Variants in ETV6 observed in about 807,000 individuals in gnomAD.
ETV6 encodes transcription factor ETV6.
Under a neutral mutation model 51.1 loss-of-function variants are expected in ETV6, and 16 were observed. That is an observed-to-expected ratio of 0.31 (90% CI 0.21 to 0.48). The LOEUF is 0.48. Among genes scored for constraint, ETV6 ranks in the 20% least tolerant of loss-of-function variants. ETV6 has a pLI of 0.99. For synonymous variants in ETV6, 240 were observed against 224.1 expected, an observed-to-expected ratio of 1.07 and a Z score of -0.64; for missense variants, 458 against 594.8, an observed-to-expected ratio of 0.77 and a Z score of 2.39.
chr12:11,691,017 C>T (rs181607631), intron 1 of ETV6, among the ~76,000 whole-genome samples: 19 of 152,204 alleles, frequency 1.2e-4, no homozygotes, highest in Non-Finnish European at 2.4e-4. Context: ...TGATTCTTTC[C>T]GTCTGGAGGC....
chr12:11,768,838 ACCACATT>A (rs1337685775), intron 2 of ETV6: 1 of 444,634 alleles, frequency 2.2e-6, no homozygotes, highest in African/African-American at 2.0e-5. Flanking sequence ...AAATCTGCCT[ACCACATT>A]CCAGCTACAT....
At chr12:11,830,710 G>T (rs1946230535) in intron 2 of ETV6, among the ~76,000 whole-genome samples, 1 of 152,232 alleles carries the variant, frequency 6.6e-6, no homozygotes, top group Admixed American at 6.5e-5. Flanking sequence ...TTATGTGCCA[G>T]GCACCGTGTG....
chr12:11,684,016 A>G (rs1864581855), intron 1 of ETV6, among the ~76,000 whole-genome samples: 1 of 152,232 alleles, frequency 6.6e-6, no homozygotes, highest in African/African-American at 2.4e-5. Context: ...AATTCAACAG[A>G]TGTGTATTGC....
chr12:11,668,063 G>GACTC (rs1166554472), intron 1 of ETV6, among the ~76,000 whole-genome samples: 1 of 151,466 alleles, frequency 6.6e-6, no homozygotes, highest in Non-Finnish European at 1.5e-5. Context: ...TGAACTCCTG[G>GACTC]ACTCAAGTGA....
At chr12:11,734,727 T>G (rs1865670286) in intron 1 of ETV6, among the ~76,000 whole-genome samples, 1 of 152,158 alleles carries the variant, frequency 6.6e-6, no homozygotes, top group South Asian at 2.1e-4. Flanking sequence ...GGTGTTGCTA[T>G]TACTCCATTT....
chr12:11,702,319 A>G (rs1035276733), intron 1 of ETV6, among the ~76,000 whole-genome samples: 3 of 152,154 alleles, frequency 2.0e-5, no homozygotes, highest in African/African-American at 4.8e-5. Flanking sequence ...TATAATTTCA[A>G]TTCCAGTTTA....
intron 2 of ETV6, among the ~76,000 whole-genome samples, chr12:11,782,534 G>T (rs1331983367): frequency 6.6e-6 from 1 of 152,096 alleles, no homozygotes; most frequent in African/African-American, 2.4e-5. Context: ...CTGCACATTT[G>T]TAATAATAGG....
At chr12:11,818,395 A>G (rs1382327774) in intron 2 of ETV6, among the ~76,000 whole-genome samples, 3 of 152,046 alleles carry the variant, frequency 2.0e-5, no homozygotes, top group Non-Finnish European at 4.4e-5. Flanking sequence ...GAGCGTGGTG[A>G]TGCATGCGTG....
rs751007395 is a variant in ETV6, at chr12:11,742,805, C to CTTT, written c.34-9629_34-9627dup. Among the ~76,000 whole-genome samples the CTTT allele has an allele frequency of 4.8e-4, 38 of 78,668 alleles. 1 individual carries two copies. The East Asian group carries it at 8.5e-3, about 18-fold the overall frequency. 51.6% of individuals were successfully genotyped at this position (78,668 alleles called of 152,430 possible). ...CATCTCATTTTTCTTTTCTTTCTTT[C>CTTT]TTTTTTTTTTTTTTTTTTGGAGACA... On this transcript the variant is annotated intron_variant, in intron 1 of 7. Coordinates refer to ENST00000396373, the MANE Select transcript of ETV6 (RefSeq NM_001987.5).
intron 3 of ETV6, among the ~76,000 whole-genome samples, chr12:11,849,870 C>G (rs1467926217): frequency 1.3e-5 from 2 of 152,170 alleles, no homozygotes; most frequent in Non-Finnish European, 2.9e-5. Flanking sequence ...CACACTATCG[C>G]TGCCAATCAT....
chr12:11,870,050 G>T (rs1946858006), intron 5 of ETV6, 81 bp downstream of exon 5: 1 of 1,477,130 alleles, frequency 6.8e-7, no homozygotes, highest in Admixed American at 2.1e-5. Flanking sequence ...TTTGCAGCCA[G>T]CCTCGCACCA....
At chr12:11,833,518 A>G (rs997682488) in intron 2 of ETV6, among the ~76,000 whole-genome samples, 3 of 152,206 alleles carry the variant, frequency 2.0e-5, no homozygotes, top group Non-Finnish European at 2.9e-5. Context: ...CTGCCAAAAC[A>G]CCAAATAAGC....
chr12:11,817,146 T>C (rs1198199764), intron 2 of ETV6, among the ~76,000 whole-genome samples: 1 of 152,226 alleles, frequency 6.6e-6, no homozygotes, highest in African/African-American at 2.4e-5. Context: ...CCTCTGACCA[T>C]GTCTGCATTT....
At chr12:11,841,811 G>C (rs564592677) in intron 3 of ETV6, among the ~76,000 whole-genome samples, 1 of 152,094 alleles carries the variant, frequency 6.6e-6, no homozygotes, top group African/African-American at 2.4e-5. Flanking sequence ...GGCCGGGCGC[G>C]GTGGCTCACG....
rs574924780 is a variant in ETV6 at position 11,879,219 on chromosome 12, T to C, written c.1010-5226T>C. Among the ~76,000 whole-genome samples, 42 of 152,364 alleles carry C rather than the reference T, an allele frequency of 2.8e-4. 1 individual carries two copies. The East Asian group carries it at 7.7e-3, about 28-fold the overall frequency. On this transcript the variant is annotated intron_variant, in intron 5 of 7. Transcript: ENST00000396373. ...GCCTCTCTTCTGGTAATTATGCCCA[T>C]GACACTGTCATTTGCAGGCCTTCTT...
Position 11,766,665 on chromosome 12 carries a change from T to C in ETV6, c.163+14086T>C, listed in dbSNP as rs144574063. Among the ~76,000 whole-genome samples, 5 of 152,164 alleles carry C rather than the reference T, an allele frequency of 3.3e-5. No homozygotes were observed. In the East Asian group the frequency reaches 9.7e-4, roughly 29 times the overall value. On this transcript the variant is annotated intron_variant, in intron 2 of 7. Transcript: ENST00000396373. ...ATCCCTGACCTGCGTGGAGGCCTTATAGGTTATGTGACAGCCCTATGCTGC... is the reference window on the plus strand; with the variant it reads ...ATCCCTGACCTGCGTGGAGGCCTTACAGGTTATGTGACAGCCCTATGCTGC...
chr12:11,814,209 TA>T (rs1444872383), intron 2 of ETV6, among the ~76,000 whole-genome samples: 1 of 152,208 alleles, frequency 6.6e-6, no homozygotes, highest in Non-Finnish European at 1.5e-5. Context: ...TAAATTGTGT[TA>T]AATAGAGTTT....
chr12:11,894,644 T>G lies in ETV6; in HGVS notation c.*3598T>G. On this transcript the variant is annotated 3_prime_UTR_variant, in exon 8 of 8. Transcript: ENST00000396373. ...CTGAAATTCAAATGGCTGTGACAAT[T>G]TACCGAAATGATGAAGTAACCACCA... 4.3e-6 allele frequency: 1 copy of G among 233,276 alleles called. No individual in the cohort carries two copies. The highest frequency in any genetic ancestry group is 5.6e-5 in the Admixed American group (1 of 17,798). 14.5% of individuals were successfully genotyped at this position (233,276 alleles called of 1,614,324 possible). A position where few individuals can be genotyped will look rare whatever the true frequency, so the allele number is the denominator to read the frequency against.
rs11302289 is a variant in ETV6, at chr12:11,869,241, G to GAA, written c.464-170_464-169dup. Among the ~76,000 whole-genome samples the GAA allele has an allele frequency of 5.8e-3, 808 of 140,236 alleles. 4 individuals carry two copies. The highest frequency in any genetic ancestry group is 8.4e-3 in the Non-Finnish European group (550 of 65,152). The allele number at this position is 140,236 out of a possible 152,430, so 92.0% of individuals were successfully genotyped here. A position where few individuals can be genotyped will look rare whatever the true frequency, so the allele number is the denominator to read the frequency against. On this transcript the variant is annotated intron_variant, in intron 4 of 7. Transcript: ENST00000396373. This position sits in a 1 kb window ranked among gnomAD's most constrained non-coding sequence, Gnocchi z 5.0. ...ACAGAGTGAGACTCCATCTCAAACA[G>GAA]AAAAAAAAAAAAAATATGCACCCTT...
Sources: gnomAD v4.1 joint callset for allele counts (sites outside exome capture counted in the v4.1 genomes callset) on GRCh38, gnomAD v4.1.1 for gene constraint, Gnocchi (gnomAD v3.1) non-coding constraint, MANE v1.5 for transcripts, NCBI Gene and HGNC (gene_info 2026-07-23, HGNC 2026-07-21) for gene names.